NRP1: variants seen among roughly 807,000 people sequenced by gnomAD.
The protein encoded by NRP1 is neuropilin 1.
Under a neutral mutation model 106.7 loss-of-function variants are expected in NRP1, and 35 were observed. The observed-to-expected ratio is 0.33, with a 90% CI of 0.25 to 0.43. The LOEUF is 0.43. NRP1 is among the 20% of genes least tolerant of loss of function. NRP1 has a pLI of 1.00. For synonymous variants in NRP1, 437 were observed against 417.9 expected (o/e 1.05, Z -0.56); for missense variants, 1,024 against 1,170.4 (o/e 0.87, Z 1.83).
chr10:33,213,610 G>A lies in NRP1; in HGVS notation c.1390C>T (p.Leu464=), dbSNP rs1838508782. Reference sequence around the variant, plus strand: ...GCCCAGCCAGAGCGACTGGTTACCAGGCGGATGTTTTCAGGCATCCAGTTT... The same window carrying A: ...GCCCAGCCAGAGCGACTGGTTACCAAGCGGATGTTTTCAGGCATCCAGTTT... The part of the protein sequence containing the change: ...DRNWMPENIR[L]VTSRSGWALP... Residue 464 remains leucine, a synonymous_variant, in exon 9 of 17, where the codon CTG becomes TTG. Coordinates refer to ENST00000374867, the MANE Select transcript of NRP1 (RefSeq NM_003873.7). The A allele has an allele frequency of 6.2e-7, 1 of 1,614,130 alleles. No homozygotes were observed. The highest frequency in any genetic ancestry group is 8.5e-7 in the Non-Finnish European group (1 of 1,180,028).
chr10:33,220,320 A>G (rs1371758606), intron 8 of NRP1, among the ~76,000 whole-genome samples: 1 of 152,226 alleles, frequency 6.6e-6, no homozygotes, highest in East Asian at 1.9e-4. Flanking sequence ...GAGGATAAAC[A>G]GAAAAATGGA....
At chr10:33,214,910 G>A (rs1303436865) in intron 8 of NRP1, among the ~76,000 whole-genome samples, 1 of 152,174 alleles carries the variant, frequency 6.6e-6, no homozygotes, top group Non-Finnish European at 1.5e-5. Context: ...ACAGCAATGT[G>A]ACTGTACTTA....
chr10:33,254,330 A>C, intron 5 of NRP1, 136 bp from the exon 6 acceptor site: 1 of 654,374 alleles, frequency 1.5e-6, no homozygotes, highest in Non-Finnish European at 2.5e-6. Context: ...ACTTATTGGA[A>C]TATAGCACTG....
At chr10:33,219,344 T>G (rs1337031718) in intron 8 of NRP1, among the ~76,000 whole-genome samples, 1 of 152,218 alleles carries the variant, frequency 6.6e-6, no homozygotes, top group African/African-American at 2.4e-5. Context: ...CAGTCAAGCC[T>G]GGATATGTCT....
intron 11 of NRP1, chr10:33,201,145 C>A (rs1448545617): frequency 6.6e-6 from 1 of 152,118 alleles, no homozygotes; most frequent in African/African-American, 2.4e-5. Flanking sequence ...TCAGTGTTTC[C>A]ACTATAAATG....
chr10:33,238,944 T>C (rs970814767), intron 6 of NRP1, among the ~76,000 whole-genome samples: 4 of 151,326 alleles, frequency 2.6e-5, no homozygotes, highest in African/African-American at 7.3e-5. Context: ...TGTGTGCGCA[T>C]AGTTTTGCCA....
intron 10 of NRP1, among the ~76,000 whole-genome samples, chr10:33,203,722 C>CTTTTTTTTT: frequency 1.5e-5 from 1 of 68,134 alleles, no homozygotes; most frequent in South Asian, 5.7e-4. Flanking sequence ...TCAAAGACTG[C>CTTTTTTTTT]TTTTTTTTTT....
chr10:33,272,050 A>G (rs1843342441), intron 2 of NRP1, among the ~76,000 whole-genome samples: 3 of 152,348 alleles, frequency 2.0e-5, no homozygotes, highest in Non-Finnish European at 4.4e-5. Flanking sequence ...GTATCTGGCA[A>G]TTTAAAAGAG....
intron 15 of NRP1, among the ~76,000 whole-genome samples, chr10:33,183,508 G>A (rs1368933134): frequency 3.3e-5 from 5 of 152,112 alleles, no homozygotes; most frequent in South Asian, 2.1e-4. Context: ...TTGGCTTCTC[G>A]AATAGTATGC....
intron 6 of NRP1, among the ~76,000 whole-genome samples, chr10:33,232,800 G>A (rs116699153): frequency 0.019 from 2,884 of 151,502 alleles, 112 homozygotes; most frequent in African/African-American, 0.067. Flanking sequence ...CCGCTCTCAC[G>A]CCCAGCTAAT....
At chr10:33,210,519 TG>T (rs1200967702) in intron 9 of NRP1, among the ~76,000 whole-genome samples, 1 of 152,214 alleles carries the variant, frequency 6.6e-6, no homozygotes, top group African/African-American at 2.4e-5. Flanking sequence ...ATATTAGCAA[TG>T]AAAACCCATA....
intron 13 of NRP1, 95 bp downstream of exon 13, chr10:33,192,186 C>T: frequency 7.2e-7 from 1 of 1,383,310 alleles, no homozygotes; most frequent in Non-Finnish European, 9.9e-7. Context: ...CCTACCCGCC[C>T]TAAATTCACA....
chr10:33,274,973 G>A (rs568736803), intron 2 of NRP1, among the ~76,000 whole-genome samples: 1 of 152,272 alleles, frequency 6.6e-6, no homozygotes, highest in Non-Finnish European at 1.5e-5. Flanking sequence ...TCGCTGTGCT[G>A]CCGTCCAAGA....
rs542027939 is a variant in NRP1, at chr10:33,284,959, G to A, written c.249-14103C>T. Among the ~76,000 whole-genome samples, 116 of 152,346 alleles carry A rather than the reference G, an allele frequency of 7.6e-4. 1 individual carries two copies. Among genetic ancestry groups the A allele is most frequent in the African/African-American group, 2.7e-3 (112 of 41,588 alleles). On this transcript the variant is annotated intron_variant, in intron 2 of 16. Coordinates refer to ENST00000374867, the MANE Select transcript of NRP1 (RefSeq NM_003873.7). ...CAGAAGCAATAAAAAAATTCAGGGAGAGAATCAACTTTGTAGATGAAAACA... is the reference window on the plus strand; with the variant it reads ...CAGAAGCAATAAAAAAATTCAGGGAAAGAATCAACTTTGTAGATGAAAACA...
rs558250532 is a variant in NRP1, at chr10:33,332,778, C to T, written c.73+1532G>A. On this transcript the variant is annotated intron_variant, in intron 1 of 16. Coordinates refer to ENST00000374867, the MANE Select transcript of NRP1 (RefSeq NM_003873.7). Reference sequence around the variant, plus strand: ...TGAGTTACAGAGGCATTTTCTGGCTCTGGTCACTTCAAGCATAGCGACATG... The same window carrying T: ...TGAGTTACAGAGGCATTTTCTGGCTTTGGTCACTTCAAGCATAGCGACATG... Among the ~76,000 whole-genome samples, 49 of 152,294 alleles carry T rather than the reference C, an allele frequency of 3.2e-4. No homozygotes were observed. The Middle Eastern group carries it at 0.01, about 32-fold the overall frequency.
chr10:33,299,450 G>A (rs2132689559), intron 2 of NRP1, among the ~76,000 whole-genome samples: 1 of 152,244 alleles, frequency 6.6e-6, no homozygotes, highest in Non-Finnish European at 1.5e-5. Flanking sequence ...CAAGATGTCT[G>A]AGGCAGGCCC....
chr10:33,196,811 T>C (rs1370748902), intron 12 of NRP1, among the ~76,000 whole-genome samples: 1 of 152,182 alleles, frequency 6.6e-6, no homozygotes, highest in Admixed American at 6.5e-5. Flanking sequence ...AGAGGAAACA[T>C]TGATATACAC....
chr10:33,247,152 T>C (rs576478598), intron 6 of NRP1, among the ~76,000 whole-genome samples: 1 of 152,292 alleles, frequency 6.6e-6, no homozygotes, highest in South Asian at 2.1e-4. Flanking sequence ...ATTCTAACTT[T>C]AAAGATAAAA....
chr10:33,312,248 TTTAAA>T, intron 2 of NRP1, among the ~76,000 whole-genome samples: 1 of 152,248 alleles, frequency 6.6e-6, no homozygotes, highest in East Asian at 1.9e-4. Context: ...CACATCTATG[TTTAAA>T]TTGCTCAGAA....
Sources: gnomAD v4.1 joint callset for allele counts (sites outside exome capture counted in the v4.1 genomes callset) on GRCh38, gnomAD v4.1.1 for gene constraint, MANE v1.5 for transcripts, NCBI Gene and HGNC (gene_info 2026-07-23, HGNC 2026-07-21) for gene names.